RSPO2: variants seen among roughly 807,000 people sequenced by gnomAD.
RSPO2 encodes R-spondin-2.
RSPO2 carries 14 observed loss-of-function variants against 30.9 expected under a neutral mutation model. That is an observed-to-expected ratio of 0.45 (90% CI 0.30 to 0.71). The LOEUF (loss-of-function observed/expected upper bound fraction) is 0.71, where lower values mean the gene tolerates loss of function less well. RSPO2 is among the 30% of genes least tolerant of loss of function. RSPO2 has a pLI of 0.08. For missense variants in RSPO2, 264 were observed against 301.9 expected, an observed-to-expected ratio of 0.87 and a Z score of 0.93; for synonymous variants, 107 against 96.4, an observed-to-expected ratio of 1.11 and a Z score of -0.64.
intron 5 of RSPO2, among the ~76,000 whole-genome samples, chr8:107,920,352 T>A (rs1812119132): frequency 6.6e-6 from 1 of 152,136 alleles, no homozygotes; most frequent in Non-Finnish European, 1.5e-5. Context: ...TTGTTAGAGC[T>A]TATAAATTGG....
chr8:107,968,299 G>A (rs185980213), intron 3 of RSPO2, among the ~76,000 whole-genome samples: 163 of 152,222 alleles, frequency 1.1e-3, no homozygotes, highest in African/African-American at 3.8e-3. Context: ...CATTTCCAGT[G>A]CATGGATGGA....
At chr8:108,046,433 A>C (rs766117262) in intron 2 of RSPO2, among the ~76,000 whole-genome samples, 1 of 152,152 alleles carries the variant, frequency 6.6e-6, no homozygotes, top group Non-Finnish European at 1.5e-5. Context: ...TCAGTGGTAG[A>C]CTAAACCATT....
chr8:107,978,834 GA>G (rs911743226), intron 3 of RSPO2, among the ~76,000 whole-genome samples: 1 of 151,910 alleles, frequency 6.6e-6, no homozygotes, highest in Non-Finnish European at 1.5e-5. Context: ...AAATTTACCA[GA>G]AAAAAACAAA....
At chr8:107,960,648 T>A (rs1461632192) in intron 4 of RSPO2, 26 bp downstream of exon 4, 1 of 1,599,532 alleles carries the variant, frequency 6.3e-7, no homozygotes, top group Non-Finnish European at 8.5e-7. Flanking sequence ...AGTTGCAGAT[T>A]GAGAGTTACA....
chr8:107,916,173 TTTTC>T (rs1399674442), intron 5 of RSPO2, among the ~76,000 whole-genome samples: 1 of 152,188 alleles, frequency 6.6e-6, no homozygotes, highest in East Asian at 1.9e-4. Context: ...TTTAATGACT[TTTTC>T]TTCATGTGAC....
At chr8:107,933,969 A>G (rs1275523672) in intron 5 of RSPO2, among the ~76,000 whole-genome samples, 1 of 152,226 alleles carries the variant, frequency 6.6e-6, no homozygotes. Context: ...TTCTTTGCCT[A>G]TGGTGGGCAA....
At chr8:108,020,554 A>T (rs1221095513) in intron 2 of RSPO2, among the ~76,000 whole-genome samples, 1 of 152,150 alleles carries the variant, frequency 6.6e-6, no homozygotes, top group Non-Finnish European at 1.5e-5. Context: ...CCATGCCTAG[A>T]ATACCTTTAC....
Position 107,958,165 on chromosome 8 carries a change from A to T in RSPO2, c.531T>A (p.Val177=). Reference sequence around the variant, plus strand: ...GTATTGTGTCTTTCACTGGCTTTTTAACAATTTGCCGTGTTCTGGTTTCCA... The same window carrying T: ...GTATTGTGTCTTTCACTGGCTTTTTTACAATTTGCCGTGTTCTGGTTTCCA... ...WGLETRTRQI[V]KKPVKDTILC... The change falls in exon 5 of 6, where the codon GTT becomes GTA. Residue 177 remains valine (V), a synonymous_variant. Coordinates refer to ENST00000276659, the MANE Select transcript of RSPO2 (RefSeq NM_178565.5). The T allele has an allele frequency of 6.2e-7, 1 of 1,613,824 alleles. No individual in the cohort carries two copies. The highest frequency in any genetic ancestry group is 2.2e-5 in the East Asian group (1 of 44,858).
chr8:108,073,626 T>A (rs1372936372), intron 2 of RSPO2, among the ~76,000 whole-genome samples: 1 of 152,212 alleles, frequency 6.6e-6, no homozygotes, highest in Non-Finnish European at 1.5e-5. Context: ...ATTAACTGTT[T>A]TCTTAATGAG....
chr8:107,903,738 A>T (rs1420697626), intron 5 of RSPO2, among the ~76,000 whole-genome samples: 1 of 152,058 alleles, frequency 6.6e-6, no homozygotes, highest in Non-Finnish European at 1.5e-5. Context: ...TTCCCTCAGA[A>T]GTCTCTCTTG....
intron 2 of RSPO2, among the ~76,000 whole-genome samples, chr8:108,002,683 G>C: frequency 6.6e-6 from 1 of 152,002 alleles, no homozygotes; most frequent in East Asian, 1.9e-4. Flanking sequence ...TGACTTATTT[G>C]GTGTCATAAA....
chr8:107,913,397 C>T (rs191566041), intron 5 of RSPO2, among the ~76,000 whole-genome samples: 87 of 152,188 alleles, frequency 5.7e-4, no homozygotes, highest in Non-Finnish European at 6.8e-4. Context: ...TGATACAAGA[C>T]GAGGATAACC....
At chr8:107,970,050 C>T (rs1029876972) in intron 3 of RSPO2, among the ~76,000 whole-genome samples, 3 of 152,098 alleles carry the variant, frequency 2.0e-5, no homozygotes, top group East Asian at 1.9e-4. Context: ...AGAAGAATAC[C>T]TTAATCTCTT....
intron 3 of RSPO2, among the ~76,000 whole-genome samples, chr8:107,966,581 C>G (rs1813814957): frequency 6.6e-6 from 1 of 152,126 alleles, no homozygotes; most frequent in Admixed American, 6.5e-5. Context: ...AAGTGACAAA[C>G]CAAGTGGAAG....
intron 5 of RSPO2, among the ~76,000 whole-genome samples, chr8:107,926,535 G>A (rs935027257): frequency 1.3e-5 from 2 of 152,108 alleles, no homozygotes; most frequent in Non-Finnish European, 2.9e-5. Flanking sequence ...ATGGTTTTAG[G>A]TCTAACGTTT....
chr8:107,958,740 C>T (rs1470429427), intron 4 of RSPO2, among the ~76,000 whole-genome samples: 1 of 152,112 alleles, frequency 6.6e-6, no homozygotes, highest in Non-Finnish European at 1.5e-5. Flanking sequence ...TTGTTTCCCG[C>T]CATGTGCCCA....
chr8:107,966,682 G>A (rs1363433032), intron 3 of RSPO2, among the ~76,000 whole-genome samples: 1 of 152,174 alleles, frequency 6.6e-6, no homozygotes, highest in Admixed American at 6.5e-5. Context: ...TTGGCAAATG[G>A]ACAGAGTTCC....
At chr8:107,968,391 A>G (rs917384038) in intron 3 of RSPO2, among the ~76,000 whole-genome samples, 4 of 152,110 alleles carry the variant, frequency 2.6e-5, no homozygotes, top group African/African-American at 9.7e-5. Context: ...GTGGGAGCTA[A>G]AAAAGTAGAT....
At chr8:107,904,113 G>T (rs1811562652) in intron 5 of RSPO2, among the ~76,000 whole-genome samples, 1 of 151,858 alleles carries the variant, frequency 6.6e-6, no homozygotes. Flanking sequence ...AGTTATAATA[G>T]ACATACAAAC....
Sources: gnomAD v4.1 joint callset for allele counts (sites outside exome capture counted in the v4.1 genomes callset) on GRCh38, gnomAD v4.1.1 for gene constraint, MANE v1.5 for transcripts, NCBI Gene and HGNC (gene_info 2026-07-23, HGNC 2026-07-21) for gene names.